ZNF827: variants seen among roughly 807,000 people sequenced by gnomAD.
ZNF827 encodes zinc finger protein 827.
ZNF827 carries 13 observed loss-of-function variants against 102.4 expected under a neutral mutation model. That is an observed-to-expected ratio of 0.13 (90% CI 0.08 to 0.20). ZNF827 has a LOEUF of 0.20. ZNF827 is among the 10% of genes least tolerant of loss of function. ZNF827 has a pLI of 1.00. For missense variants in ZNF827, 1,103 were observed against 1,344.4 expected, an observed-to-expected ratio of 0.82 and a Z score of 2.81; for synonymous variants, 523 against 536.2, an observed-to-expected ratio of 0.98 and a Z score of 0.34.
intron 7 of ZNF827, chr4:145,832,448 T>C (rs999774501): frequency 3.9e-5 from 6 of 152,142 alleles, no homozygotes; most frequent in Non-Finnish European, 8.8e-5. Flanking sequence ...ATTAAAAAAA[T>C]TTTAATGATA....
At chr4:145,764,854 CCTGA>C (rs759888837) in intron 13 of ZNF827, 130 bp downstream of exon 13, 2 of 1,211,802 alleles carry the variant, frequency 1.7e-6, no homozygotes, top group Non-Finnish European at 2.4e-6. Flanking sequence ...AGCAGGGGTT[CCTGA>C]CTAACTCCTC....
chr4:145,894,652 A>C (rs767522419), intron 2 of ZNF827, among the ~76,000 whole-genome samples: 30 of 152,184 alleles, frequency 2.0e-4, no homozygotes, highest in Non-Finnish European at 3.7e-4. Context: ...TGGAAATTCC[A>C]CTTGTGATGT....
At chr4:145,824,354 C>T (rs547688331) in intron 7 of ZNF827, among the ~76,000 whole-genome samples, 2 of 152,322 alleles carry the variant, frequency 1.3e-5, no homozygotes, top group East Asian at 3.9e-4. Context: ...TATAAGAATA[C>T]TGGAGTATCC....
Position 145,803,108 on chromosome 4 carries a change from C to T in ZNF827, c.2383+20314G>A, listed in dbSNP as rs146836799. Among the ~76,000 whole-genome samples, 269 of 152,226 alleles carry T rather than the reference C, an allele frequency of 1.8e-3. 1 individual carries two copies. The Middle Eastern group carries it at 0.02, about 12-fold the overall frequency. On this transcript the variant is annotated intron_variant, in intron 8 of 14. Coordinates refer to ENST00000508784, the MANE Select transcript of ZNF827 (RefSeq NM_001306215.2). ...TATCTGTCATCACTTATCTACTTTA[C>T]CTAAACACCTATCTCTATATGTTTT...
In ZNF827 at chr4:145,820,562, G is replaced by A. The variant is rs180804685; in HGVS notation, c.2383+2860C>T. ...TTCTACCTAGTCACTAAAGCCAGCT[G>A]TCTCCTTTCTGGCTTCCCTATTTCT... On this transcript the variant is annotated intron_variant, in intron 8 of 14. Transcript: ENST00000508784. Among the ~76,000 whole-genome samples the A allele has an allele frequency of 2.8e-4, 42 of 152,304 alleles. No individual in the cohort carries two copies. In the East Asian group the frequency reaches 3.7e-3, roughly 13 times the overall value.
Position 145,761,087 on chromosome 4 carries a change from A to G in ZNF827, c.*529T>C. On this transcript the variant is annotated 3_prime_UTR_variant, in exon 15 of 15. Transcript: ENST00000508784. The surrounding 1 kb of genome is among the most constrained non-coding windows in gnomAD (Gnocchi z 6.8). Reference sequence around the variant, plus strand: ...GAGGCAGACATAACTGACAGGGGAGACAGGAGATTCCGGGAGCTCCCGACC... The same window carrying G: ...GAGGCAGACATAACTGACAGGGGAGGCAGGAGATTCCGGGAGCTCCCGACC... 4 of 1,289,472 alleles carry G rather than the reference A, an allele frequency of 3.1e-6. No homozygotes were observed. The highest frequency in any genetic ancestry group is 4.0e-6 in the Non-Finnish European group (4 of 988,704). The allele number at this position is 1,289,472 out of a possible 1,614,324, so 79.9% of individuals were successfully genotyped here. A position where few individuals can be genotyped will look rare whatever the true frequency, so the allele number is the denominator to read the frequency against.
chr4:145,902,244 G>C lies in ZNF827; in HGVS notation c.1015C>G (p.Pro339Ala). Residue 339 changes from proline to alanine, a missense_variant, in exon 2 of 15, where the codon CCA becomes GCA. Around this residue, in one of 5 missense-constraint regions of ZNF827, gnomAD observed 441 missense variants for 458.6 expected, o/e 0.96. Transcript: ENST00000508784. The surrounding 1 kb of genome is among the most constrained non-coding windows in gnomAD (Gnocchi z 4.3). ...TCCAGGGATTGTGGTGGTGGTGGTG[G>C]AGGTGGTGGAGGTGGCGGTGGAGGT... is the stretch of plus-strand genomic sequence containing the variant. The part of the protein sequence containing the change: ...PPPPPPPPPP[P>A]PPPPQSLELL... The C allele has an allele frequency of 6.3e-7, 1 of 1,599,378 alleles. No homozygotes were observed. Among genetic ancestry groups the C allele is most frequent in the Non-Finnish European group, 8.5e-7 (1 of 1,173,874 alleles).
rs1734734206 is a variant in ZNF827, at chr4:145,762,775, GCT to G, written c.*17+313_*17+314del. ...GAGCCTCTCTTTTAGAAGCTGCCAG[GCT>G]GGAGTCAGTGGCTTATATGAGAACT... On this transcript the variant is annotated intron_variant, in intron 14 of 14. Transcript: ENST00000508784. The surrounding 1 kb of genome is among the most constrained non-coding windows in gnomAD (Gnocchi z 4.9). Among the ~76,000 whole-genome samples the G allele has an allele frequency of 6.6e-6, 1 of 152,240 alleles. No homozygotes were observed. The highest frequency in any genetic ancestry group is 1.5e-5 in the Non-Finnish European group (1 of 68,040).
chr4:145,780,759 A>G (rs939918020), intron 8 of ZNF827, among the ~76,000 whole-genome samples: 12 of 152,254 alleles, frequency 7.9e-5, no homozygotes, highest in African/African-American at 2.7e-4. Context: ...GAAGACCAAG[A>G]CAAATGACAC....
rs1019616756 is a variant in ZNF827 at position 145,760,348 on chromosome 4, A to C, written c.*1268T>G. The C allele has an allele frequency of 6.6e-6, 1 of 152,354 alleles. No homozygotes were observed. Among genetic ancestry groups the C allele is most frequent in the African/African-American group, 2.4e-5 (1 of 41,458 alleles). The allele number at this position is 152,354 out of a possible 1,614,324, so 9.4% of individuals were successfully genotyped here. A position where few individuals can be genotyped will look rare whatever the true frequency, so the allele number is the denominator to read the frequency against. ...CACGGCTTTCTCTTTCAGAATCCAC[A>C]AACGCCCACACACCGCATTCACCCA... On this transcript the variant is annotated 3_prime_UTR_variant, in exon 15 of 15. Coordinates refer to ENST00000508784, the MANE Select transcript of ZNF827 (RefSeq NM_001306215.2).
chr4:145,925,412 T>A (rs2126976592), intron 1 of ZNF827, among the ~76,000 whole-genome samples: 1 of 152,354 alleles, frequency 6.6e-6, no homozygotes, highest in East Asian at 1.9e-4. Flanking sequence ...CTGTGATTCC[T>A]CAAACATTTA....
intron 8 of ZNF827, among the ~76,000 whole-genome samples, chr4:145,816,269 T>C (rs7656212): frequency 0.23 from 34,329 of 152,182 alleles, 4,692 homozygotes; most frequent in East Asian, 0.63. Flanking sequence ...TGACTCAACC[T>C]ATCTGGGCAG....
chr4:145,800,960 T>G (rs1338842378), intron 8 of ZNF827, among the ~76,000 whole-genome samples: 2 of 152,184 alleles, frequency 1.3e-5, no homozygotes, highest in East Asian at 1.9e-4. Flanking sequence ...GTACTTTGGA[T>G]GATAGTGGTG....
At chr4:145,931,908 T>G (rs531732527) in intron 1 of ZNF827, among the ~76,000 whole-genome samples, 1 of 152,224 alleles carries the variant, frequency 6.6e-6, no homozygotes, top group South Asian at 2.1e-4. Context: ...TGAATGTTGG[T>G]GTCCCCCCCA....
At position 145,870,170 on chromosome 4, in the gene ZNF827, C is replaced by A. The variant is rs1295880274; in HGVS notation, c.1981+75G>T. On this transcript the variant is annotated intron_variant, in intron 5 of 14. Coordinates refer to ENST00000508784, the MANE Select transcript of ZNF827 (RefSeq NM_001306215.2). ...ATTGCTGCCATTGGGTTAATTATAA[C>A]CCATGCAGGAAGCAGTCCAGTTGGC... 16 of 1,419,724 alleles carry A rather than the reference C, an allele frequency of 1.1e-5. No individual in the cohort carries two copies. In the East Asian group the frequency reaches 3.5e-4, roughly 31 times the overall value. The allele number at this position is 1,419,724 out of a possible 1,614,324, so 87.9% of individuals were successfully genotyped here. A position where few individuals can be genotyped will look rare whatever the true frequency, so the allele number is the denominator to read the frequency against.
At chr4:145,884,273 G>A (rs1749921420) in intron 4 of ZNF827, among the ~76,000 whole-genome samples, 1 of 152,106 alleles carries the variant, frequency 6.6e-6, no homozygotes. Flanking sequence ...CCACTCCTGA[G>A]GAGCAAAGAT....
chr4:145,861,800 G>A (rs896250545), intron 5 of ZNF827, among the ~76,000 whole-genome samples: 6 of 152,128 alleles, frequency 3.9e-5, no homozygotes, highest in African/African-American at 1.2e-4. Context: ...GATGAAGGTG[G>A]AGCACATTAA....
intron 8 of ZNF827, among the ~76,000 whole-genome samples, chr4:145,791,912 A>G (rs1005019586): frequency 6.6e-6 from 1 of 152,220 alleles, no homozygotes; most frequent in Non-Finnish European, 1.5e-5. Flanking sequence ...AGCCAGGATT[A>G]AACCCAGGAT....
At chr4:145,885,604 CAGAGACAGAGAGAG>C (rs1351895588) in intron 4 of ZNF827, 60 bp downstream of exon 4, 15 of 1,425,552 alleles carry the variant, frequency 1.1e-5, no homozygotes, top group Non-Finnish European at 1.4e-5. Context: ...TACTGGTAGA[CAGAGACAGAGAGAG>C]AGAGAGAGAG....
Sources: allele counts gnomAD v4.1 joint callset (sites outside exome capture counted in the v4.1 genomes callset), GRCh38; gene constraint gnomAD v4.1.1; regional missense constraint gnomAD v4.1.1; non-coding constraint Gnocchi (gnomAD v3.1); transcripts MANE v1.5; gene names NCBI Gene and HGNC (gene_info 2026-07-23, HGNC 2026-07-21).